The following NTN1 variants were observed in gnomAD, a reference collection of about 807,000 sequenced individuals.
NTN1 encodes netrin-1.
A neutral mutation model predicts 54.2 loss-of-function variants in NTN1; 11 were observed. That is an observed-to-expected ratio of 0.20 (90% CI 0.13 to 0.34). The LOEUF is 0.34. NTN1 is among the 10% of genes least tolerant of loss of function. The pLI, the probability that NTN1 is intolerant of heterozygous loss-of-function variation, is 1.00. For synonymous variants in NTN1, 371 were observed against 382.0 expected (o/e 0.97, Z 0.33); for missense variants, 740 against 893.1 (o/e 0.83, Z 2.18).
chr17:9,016,104 C>T, the NTN1 span, among the ~76,000 whole-genome samples: 4 of 151,856 alleles, frequency 2.6e-5, no homozygotes, highest in African/African-American at 9.7e-5. Flanking sequence ...AAAACCCCCA[C>T]AAAACTCCTG....
chr17:9,148,307 TGAAGAAGC>T (rs1281987322), intron 2 of NTN1, among the ~76,000 whole-genome samples: 8 of 152,194 alleles, frequency 5.3e-5, no homozygotes, highest in Non-Finnish European at 1.0e-4. Context: ...AAATAGGAAC[TGAAGAAGC>T]AGACAACCCT....
intron 2 of NTN1, among the ~76,000 whole-genome samples, chr17:9,149,230 T>C (rs1297078685): frequency 6.7e-6 from 1 of 148,634 alleles, no homozygotes; most frequent in Non-Finnish European, 1.5e-5. Flanking sequence ...GCACCACCTC[T>C]AGGGAAAAGA....
chr17:9,163,502 A>G (rs1190703584), intron 3 of NTN1, among the ~76,000 whole-genome samples: 2 of 15,612 alleles, frequency 1.3e-4, no homozygotes, highest in Non-Finnish European at 3.2e-4. Context: ...ACACACACAC[A>G]CACACACACA....
At chr17:9,190,437 T>A (rs1904421521) in intron 5 of NTN1, among the ~76,000 whole-genome samples, 1 of 152,240 alleles carries the variant, frequency 6.6e-6, no homozygotes, top group African/African-American at 2.4e-5. Flanking sequence ...ATAATTTTTT[T>A]AAAAGAAGAT....
upstream of NTN1, among the ~76,000 whole-genome samples, chr17:9,016,710 A>G (rs2091832754): frequency 6.6e-6 from 1 of 151,852 alleles, no homozygotes; most frequent in African/African-American, 2.4e-5. Context: ...TTTCTTTGGC[A>G]TTGTCGCCCT....
At chr17:9,175,617 G>A (rs2092397988) in intron 3 of NTN1, 1 of 152,246 alleles carries the variant, frequency 6.6e-6, no homozygotes, top group South Asian at 2.1e-4. Context: ...CGGTGGTCCA[G>A]AGAGAGAAAG....
intron 2 of NTN1, among the ~76,000 whole-genome samples, chr17:9,115,443 C>T (rs1030417545): frequency 4.6e-5 from 7 of 152,198 alleles, no homozygotes; most frequent in African/African-American, 1.2e-4. Context: ...AGCTCATTGT[C>T]GGGAAGAGAA....
chr17:9,085,579 T>C (rs2092087503), intron 2 of NTN1, among the ~76,000 whole-genome samples: 1 of 152,170 alleles, frequency 6.6e-6, no homozygotes, highest in Non-Finnish European at 1.5e-5. Context: ...AGTTCTTGCA[T>C]CTACAGATCA....
At chr17:9,085,351 A>G (rs959419994) in intron 2 of NTN1, among the ~76,000 whole-genome samples, 1 of 152,132 alleles carries the variant, frequency 6.6e-6, no homozygotes, top group Non-Finnish European at 1.5e-5. Context: ...GGGAAAGAGG[A>G]AGGGGAGGGA....
At chr17:9,206,230 CT>C (rs1567738551) in intron 5 of NTN1, among the ~76,000 whole-genome samples, 1 of 152,204 alleles carries the variant, frequency 6.6e-6, no homozygotes, top group Non-Finnish European at 1.5e-5. Context: ...GTCAGGAGGG[CT>C]TTTTGCAGTC....
At chr17:9,011,358 C>G in the NTN1 span, among the ~76,000 whole-genome samples, 1 of 152,150 alleles carries the variant, frequency 6.6e-6, no homozygotes, top group African/African-American at 2.4e-5. Flanking sequence ...TGGCTTGTGG[C>G]TGCATGGCTC....
intron 2 of NTN1, among the ~76,000 whole-genome samples, chr17:9,111,418 GGT>G (rs1021374559): frequency 6.6e-5 from 10 of 152,160 alleles, no homozygotes; most frequent in Admixed American, 4.6e-4. Flanking sequence ...GTGAAGTGTA[GGT>G]GTGTGTGGTG....
chr17:9,142,341 G>A (rs895121921), intron 2 of NTN1, among the ~76,000 whole-genome samples: 1 of 151,548 alleles, frequency 6.6e-6, no homozygotes, highest in African/African-American at 2.4e-5. Context: ...AATGGGCCTA[G>A]ATCGGGGAAG....
chr17:9,119,785 G>A (rs912895071), intron 2 of NTN1, among the ~76,000 whole-genome samples: 8 of 152,138 alleles, frequency 5.3e-5, no homozygotes, highest in African/African-American at 7.2e-5. Context: ...GGCATGAGCC[G>A]CTGTGCCTGG....
intron 2 of NTN1, among the ~76,000 whole-genome samples, chr17:9,064,892 G>A (rs1417517133): frequency 1.3e-5 from 2 of 152,000 alleles, no homozygotes; most frequent in Non-Finnish European, 2.9e-5. Context: ...CCAAGTAGCT[G>A]GCACTACAGG....
intron 2 of NTN1, among the ~76,000 whole-genome samples, chr17:9,064,619 C>T (rs2092009112): frequency 6.6e-6 from 1 of 152,208 alleles, no homozygotes; most frequent in Non-Finnish European, 1.5e-5. Context: ...TGTCATCATT[C>T]ACACATCGTT....
At chr17:9,166,974 T>C (rs1334857609) in intron 3 of NTN1, among the ~76,000 whole-genome samples, 1 of 152,140 alleles carries the variant, frequency 6.6e-6, no homozygotes, top group South Asian at 2.1e-4. Context: ...AGTTGCCCCA[T>C]TTGGGAAGTT....
chr17:9,006,832 C>T, the NTN1 span, among the ~76,000 whole-genome samples: 1 of 152,186 alleles, frequency 6.6e-6, no homozygotes, highest in African/African-American at 2.4e-5. Flanking sequence ...CTCAGGGTTA[C>T]AGTAGGGAAC....
chr17:9,215,857 G>A (rs1354472119), intron 5 of NTN1, among the ~76,000 whole-genome samples: 1 of 152,124 alleles, frequency 6.6e-6, no homozygotes, highest in Non-Finnish European at 1.5e-5. Flanking sequence ...AAATATGTAG[G>A]TTGTCTTTTT....
Sources: gnomAD v4.1 joint callset for allele counts (sites outside exome capture counted in the v4.1 genomes callset) on GRCh38, gnomAD v4.1.1 for gene constraint, MANE v1.5 for transcripts, NCBI Gene and HGNC (gene_info 2026-07-23, HGNC 2026-07-21) for gene names.